The following ZNF737 variants were observed in gnomAD, a reference collection of about 807,000 sequenced individuals.
ZNF737 encodes zinc finger protein 102 (Y3).
In ZNF737, 13 loss-of-function variants were observed where a neutral mutation model predicts 11.7. The ratio of observed to expected loss-of-function variants is 1.11; its 90% CI spans 0.73 to 1.77. The LOEUF is 1.77. Among genes scored for constraint, ZNF737 ranks in the 40% most tolerant of loss-of-function variants. The pLI, the probability that ZNF737 is intolerant of heterozygous loss-of-function variation, is 0.00. For missense variants in ZNF737, 636 were observed against 638.0 expected (o/e 1.00, Z 0.03); for synonymous variants, 217 against 216.2 (o/e 1.00, Z -0.03).
rs1393437750 is a variant in ZNF737, at chr19:20,541,503, G to A, written c.*3089C>T. ...ACTCTGTCAGCCAGGCTGGAGTGCA[G>A]TGGCATGATCTCAGCTCACTGCAAC... On this transcript the variant is annotated 3_prime_UTR_variant, in exon 4 of 4. Transcript: ENST00000427401. The A allele has an allele frequency of 1.8e-5, 13 of 703,566 alleles. No homozygotes were observed. Among genetic ancestry groups the A allele is most frequent in the Non-Finnish European group, 2.3e-5 (13 of 573,334 alleles). The allele number at this position is 703,566 out of a possible 1,614,324, so 43.6% of individuals were successfully genotyped here.
intron 1 of ZNF737, among the ~76,000 whole-genome samples, chr19:20,559,752 A>G (rs1360730742): frequency 6.6e-6 from 1 of 152,214 alleles, no homozygotes; most frequent in Non-Finnish European, 1.5e-5. Flanking sequence ...GTATATACCC[A>G]AAGAAACATA....
At chr19:20,547,337 C>T (rs966117274) in intron 3 of ZNF737, among the ~76,000 whole-genome samples, 7 of 143,186 alleles carry the variant, frequency 4.9e-5, no homozygotes, top group East Asian at 4.3e-4. Context: ...GCTGAGATTG[C>T]GTCACTGCAC....
In ZNF737 at chr19:20,543,390, CAATA is replaced by C. The variant is rs780990762; in HGVS notation, c.*1198_*1201del. The C allele has an allele frequency of 5.1e-5, 50 of 986,398 alleles. No homozygotes were observed. The highest frequency in any genetic ancestry group is 1.7e-4 in the African/African-American group (10 of 57,284). The allele number at this position is 986,398 out of a possible 1,614,324, so 61.1% of individuals were successfully genotyped here. On this transcript the variant is annotated 3_prime_UTR_variant, in exon 4 of 4. Transcript: ENST00000427401. ...TTTATATTTGTAATGCTTGTCTTCA[CAATA>C]AATACTCTTCTTCACTTTAAAGGCT...
intron 1 of ZNF737, among the ~76,000 whole-genome samples, chr19:20,556,994 AT>A (rs1373787696): frequency 6.6e-5 from 10 of 152,266 alleles, no homozygotes; most frequent in African/African-American, 2.4e-4. Flanking sequence ...TCTCTCATCA[AT>A]TTTTTAAAAT....
At position 20,540,988 on chromosome 19, in the gene ZNF737, A is replaced by ATT. The variant is rs34579625; in HGVS notation, c.*3602_*3603dup. 0.015 allele frequency: 14,691 copies of ATT among 969,736 alleles called. 102 individuals are homozygous for ATT. Among genetic ancestry groups the ATT allele is most frequent in the Non-Finnish European group, 0.017 (13,743 of 816,372 alleles). The allele number at this position is 969,736 out of a possible 1,614,324, so 60.1% of individuals were successfully genotyped here. Reference sequence around the variant, plus strand: ...TTCATTCAAATAAGTGTTAAAAATGATTTTTTTTTCCTGTTTTAAGAGGGC... The same window carrying ATT: ...TTCATTCAAATAAGTGTTAAAAATGATTTTTTTTTTTCCTGTTTTAAGAGGGC... On this transcript the variant is annotated 3_prime_UTR_variant, in exon 4 of 4. Transcript: ENST00000427401.
rs188381887 is a variant in ZNF737, at chr19:20,563,568, C to T, written c.3+2070G>A. Among the ~76,000 whole-genome samples the T allele has an allele frequency of 6.6e-5, 10 of 151,210 alleles. No homozygotes were observed. The East Asian group carries it at 2.0e-3, about 30-fold the overall frequency. ...TGGCATGATCTTGGCTCACTGCAAC[C>T]TCTGCCTCCCCGGTTCAAGACCTTC... On this transcript the variant is annotated intron_variant, in intron 1 of 3. Coordinates refer to ENST00000427401, the MANE Select transcript of ZNF737 (RefSeq NM_001159293.2).
At chr19:20,564,719 TG>T (rs1310154750) in intron 1 of ZNF737, among the ~76,000 whole-genome samples, 3 of 151,848 alleles carry the variant, frequency 2.0e-5, no homozygotes, top group African/African-American at 4.8e-5. Flanking sequence ...TTGAGACACA[TG>T]TGGAAAATGC....
At chr19:20,536,781 A>G (rs1252669586), downstream of ZNF737, among the ~76,000 whole-genome samples, 1 of 152,148 alleles carries the variant, frequency 6.6e-6, no homozygotes, top group African/African-American at 2.4e-5. Flanking sequence ...TTCTCTACTA[A>G]AAACACAAAA....
At chr19:20,535,345 T>A (rs33943), downstream of ZNF737, among the ~76,000 whole-genome samples, 103,201 of 152,044 alleles carry the variant, frequency 0.68, 36,858 homozygotes, top group African/African-American at 0.91. Context: ...TAGCTAAGGT[T>A]TGAAATCAAC....
intron 1 of ZNF737, among the ~76,000 whole-genome samples, chr19:20,565,011 T>G (rs1969243352): frequency 6.7e-6 from 1 of 150,190 alleles, no homozygotes; most frequent in Non-Finnish European, 1.5e-5. Context: ...CTCAGCTCAC[T>G]GCAACATCCA....
rs1568439652 is a variant in ZNF737 at position 20,565,741 on chromosome 19, A to C, written c.-101T>G. 3.2e-6 allele frequency: 5 copies of C among 1,567,826 alleles called. No individual in the cohort carries two copies. The highest frequency in any genetic ancestry group is 1.3e-5 in the African/African-American group (1 of 74,166). On this transcript the variant is annotated 5_prime_UTR_variant, in exon 1 of 4. Coordinates refer to ENST00000427401, the MANE Select transcript of ZNF737 (RefSeq NM_001159293.2). ...CTGGGCCTCTAGGAGCAGAGGACAC[A>C]CAGCAGTGAAGACAAGACCTGGAGC...
chr19:20,542,031 C>T lies in ZNF737; in HGVS notation c.*2561G>A. On this transcript the variant is annotated 3_prime_UTR_variant, in exon 4 of 4. Transcript: ENST00000427401. ...TAATCTATGGGAACAATATTTAACT[C>T]ATTTGCAGTTTAAAGCCACTGACAG... 2 of 984,642 alleles carry T rather than the reference C, an allele frequency of 2.0e-6. No individual in the cohort carries two copies. Among genetic ancestry groups the T allele is most frequent in the Admixed American group, 6.1e-5 (1 of 16,272 alleles). The allele number at this position is 984,642 out of a possible 1,614,324, so 61.0% of individuals were successfully genotyped here.
Position 20,538,625 on chromosome 19 carries a change from A to G in ZNF737, c.*5967T>C. On this transcript the variant is annotated 3_prime_UTR_variant, in exon 4 of 4. Transcript: ENST00000427401. ...TCAAGTGCTATTTCTTTACAGCTCC[A>G]GAGAACAAACATTTCTAAAACCATT... The G allele has an allele frequency of 1.0e-6, 1 of 981,746 alleles. No homozygotes were observed. The highest frequency in any genetic ancestry group is 4.7e-5 in the South Asian group (1 of 21,208). The allele number at this position is 981,746 out of a possible 1,614,324, so 60.8% of individuals were successfully genotyped here.
At chr19:20,548,081 G>T (rs1555757428) in intron 3 of ZNF737, among the ~76,000 whole-genome samples, 1 of 152,228 alleles carries the variant, frequency 6.6e-6, no homozygotes, top group East Asian at 1.9e-4. Context: ...GGCAGAGGTT[G>T]CAGTGAGCCG....
intron 1 of ZNF737, among the ~76,000 whole-genome samples, chr19:20,556,234 G>C (rs1968884951): frequency 6.6e-6 from 1 of 151,924 alleles, no homozygotes; most frequent in Admixed American, 6.6e-5. Flanking sequence ...GTATTTTGCA[G>C]CCTTCATACC....
In ZNF737 at chr19:20,553,732, T is replaced by C; in HGVS notation, c.107A>G (p.Asn36Ser). 1.9e-6 allele frequency: 3 copies of C among 1,613,966 alleles called. No individual in the cohort carries two copies. The highest frequency in any genetic ancestry group is 2.5e-6 in the Non-Finnish European group (3 of 1,179,922). ...RNLYRNVMLE[N>S]YRNLVFLGIV... ...ACCAAGGAAGACCAGGTTTCTGTAG[T>C]TCTCTAACATCACATTCCTATATAA... is the stretch of plus-strand genomic sequence containing the variant. Residue 36 changes from asparagine (N) to serine (S), a missense_variant, in exon 2 of 4, where the codon AAC (asparagine) becomes AGC (serine). Coordinates refer to ENST00000427401, the MANE Select transcript of ZNF737 (RefSeq NM_001159293.2).
the ZNF737 span, among the ~76,000 whole-genome samples, chr19:20,530,652 CCCA>C: frequency 4.1e-5 from 6 of 147,464 alleles, 1 homozygote; most frequent in East Asian, 1.3e-3. Flanking sequence ...AGAGGCGCTC[CCCA>C]CATCTCAGAC....
chr19:20,545,213 T>C lies in ZNF737; in HGVS notation c.990A>G (p.Thr330=), dbSNP rs782441604. 7 of 1,613,850 alleles carry C rather than the reference T, an allele frequency of 4.3e-6. No individual in the cohort carries two copies. Among genetic ancestry groups the C allele is most frequent in the Non-Finnish European group, 5.9e-6 (7 of 1,179,998 alleles). ...TCTCTCCAGTATGAATTCTTTTATG[T>C]GTAGTAAGGACAGAGGGGTGCTTAA... The part of the protein sequence containing the change: ...KAFKHPSVLT[T]HKRIHTGEKP... The change falls in exon 4 of 4, where the codon ACA becomes ACG. Residue 330 remains threonine (T), a synonymous_variant. Coordinates refer to ENST00000427401, the MANE Select transcript of ZNF737 (RefSeq NM_001159293.2).
Position 20,552,540 on chromosome 19 carries a change from G to A in ZNF737, c.161C>T (p.Thr54Ile). ...GIVVSKPDLITCLEQGKKPLT... is the reference protein window; with the variant it reads ...GIVVSKPDLIICLEQGKKPLT... ...AGGTTTTTTTCCTTGCTCCAGACAG[G>A]TGATGAGGTCTGGCTTAGAGACAAC... is the stretch of plus-strand genomic sequence containing the variant. Residue 54 changes from threonine (T) to isoleucine (I), a missense_variant, in exon 3 of 4, where the codon ACC (threonine) becomes ATC (isoleucine). By Grantham distance (89) the Thr-to-Ile change is moderately conservative. Transcript: ENST00000427401. The A allele has an allele frequency of 6.3e-7, 1 of 1,592,174 alleles. No homozygotes were observed. The highest frequency in any genetic ancestry group is 8.5e-7 in the Non-Finnish European group (1 of 1,172,608).
Sources: allele counts gnomAD v4.1 joint callset (sites outside exome capture counted in the v4.1 genomes callset), GRCh38; gene constraint gnomAD v4.1.1; transcripts MANE v1.5; gene names NCBI Gene and HGNC (gene_info 2026-07-23, HGNC 2026-07-21).